The following IFT43 variants were observed in gnomAD, a reference collection of about 807,000 sequenced individuals.
IFT43 encodes the protein intraflagellar transport protein 43 homolog.
IFT43 carries 33 observed loss-of-function variants against 32.3 expected under a neutral mutation model. The ratio of observed to expected loss-of-function variants is 1.02; its 90% CI spans 0.77 to 1.37. The LOEUF (loss-of-function observed/expected upper bound fraction) is 1.37, where lower values mean the gene tolerates loss of function less well. Ranked by LOEUF, IFT43 falls within the 40% of genes most tolerant of loss-of-function variation. The pLI is 0.00. For missense variants in IFT43, 274 were observed against 265.9 expected (o/e 1.03, Z -0.21); for synonymous variants, 93 against 98.2 (o/e 0.95, Z 0.31).
At position 76,066,237 on chromosome 14, in the gene IFT43, C is replaced by G. The variant is rs534807207; in HGVS notation, c.295+6864C>G. Among the ~76,000 whole-genome samples the G allele has an allele frequency of 2.0e-5, 3 of 152,328 alleles. 1 individual carries two copies. The East Asian group carries it at 5.8e-4, about 29-fold the overall frequency. ...AAGAATACTTCTAGTATTTTTTCCT[C>G]CTTCATAAACTTGATATGTGAAATT... is the stretch of plus-strand genomic sequence containing the variant. On this transcript the variant is annotated intron_variant, in intron 5 of 8. Coordinates refer to ENST00000314067, the MANE Select transcript of IFT43 (RefSeq NM_001102564.3).
At chr14:76,072,178 C>G (rs1343441786) in intron 5 of IFT43, among the ~76,000 whole-genome samples, 1 of 152,118 alleles carries the variant, frequency 6.6e-6, no homozygotes, top group Non-Finnish European at 1.5e-5. Context: ...TCCATCAAAT[C>G]CATGGAGAGT....
intron 3 of IFT43, among the ~76,000 whole-genome samples, chr14:76,031,920 A>G (rs2036516136): frequency 6.6e-6 from 1 of 152,202 alleles, no homozygotes; most frequent in Non-Finnish European, 1.5e-5. Context: ...TCGTCTACGC[A>G]GTGATGACTC....
At chr14:75,999,259 ATATATATATATATGTATATATAT>A (rs1233009855) in intron 2 of IFT43, among the ~76,000 whole-genome samples, 6 of 21,576 alleles carry the variant, frequency 2.8e-4, no homozygotes, top group African/African-American at 1.5e-3. Context: ...ATATATATAT[ATATATATATATATGTATATATAT>A]TTTTTTTTTT....
In IFT43 at chr14:76,082,616, G is replaced by A. The variant is rs1162435893; in HGVS notation, c.369-1G>A. On this transcript the variant is annotated splice_acceptor_variant, in intron 6 of 8. Coordinates refer to ENST00000314067, the MANE Select transcript of IFT43 (RefSeq NM_001102564.3). LOFTEE classifies it high-confidence loss of function. ...CGCCTCTCGCTCTCTCTTTCCTTCA[G>A]CATCCAGATAAAGCGGGTGATGACC... is the stretch of plus-strand genomic sequence containing the variant. 6.2e-7 allele frequency: 1 copy of A among 1,614,022 alleles called. No homozygotes were observed. Among genetic ancestry groups the A allele is most frequent in the Non-Finnish European group, 8.5e-7 (1 of 1,180,022 alleles).
intron 3 of IFT43, among the ~76,000 whole-genome samples, chr14:76,040,226 A>G (rs1335010962): frequency 6.6e-6 from 1 of 152,200 alleles, no homozygotes; most frequent in Non-Finnish European, 1.5e-5. Context: ...CTGGGATTAC[A>G]GGTGTGAGTC....
intron 5 of IFT43, among the ~76,000 whole-genome samples, chr14:76,079,785 A>G (rs1178917372): frequency 6.6e-6 from 1 of 152,206 alleles, no homozygotes; most frequent in Admixed American, 6.5e-5. Flanking sequence ...AACCTGAATC[A>G]GGCTACATCA....
chr14:76,056,231 T>C (rs1566728114), intron 3 of IFT43, among the ~76,000 whole-genome samples: 1 of 152,180 alleles, frequency 6.6e-6, no homozygotes, highest in Non-Finnish European at 1.5e-5. Flanking sequence ...GAACCCGTTA[T>C]TTCTGGCAGA....
chr14:76,074,136 T>C (rs1246180619), intron 5 of IFT43, among the ~76,000 whole-genome samples: 1 of 152,130 alleles, frequency 6.6e-6, no homozygotes, highest in Admixed American at 6.5e-5. Context: ...TTTTTCTCAG[T>C]GTAACATGAA....
chr14:76,001,691 A>C (rs2139899442), intron 2 of IFT43, among the ~76,000 whole-genome samples: 1 of 152,354 alleles, frequency 6.6e-6, no homozygotes, highest in Admixed American at 6.5e-5. Flanking sequence ...AGAATGCCAC[A>C]GAGTGAGTAA....
chr14:76,082,787 T>A, intron 7 of IFT43, 95 bp downstream of exon 7: 1 of 933,666 alleles, frequency 1.1e-6, no homozygotes. Flanking sequence ...ATACAGCGCC[T>A]CCACCAGTCC....
intron 5 of IFT43, among the ~76,000 whole-genome samples, chr14:76,073,105 A>T (rs1356553825): frequency 6.6e-6 from 1 of 152,044 alleles, no homozygotes; most frequent in Non-Finnish European, 1.5e-5. Flanking sequence ...AGTGACAGGG[A>T]CTATACAAAG....
intron 3 of IFT43, among the ~76,000 whole-genome samples, chr14:76,026,401 A>G (rs1418093385): frequency 6.6e-6 from 1 of 152,104 alleles, no homozygotes; most frequent in African/African-American, 2.4e-5. Context: ...TCTACTAAAA[A>G]TACGAAATTA....
At chr14:75,999,279 ATAT>A (rs1566699785) in intron 2 of IFT43, among the ~76,000 whole-genome samples, 8 of 20,668 alleles carry the variant, frequency 3.9e-4, no homozygotes, top group East Asian at 4.3e-3. Context: ...ATATGTATAT[ATAT>A]TTTTTTTTTT....
chr14:75,987,303 A>G (rs972656259), intron 1 of IFT43, among the ~76,000 whole-genome samples: 19 of 152,218 alleles, frequency 1.2e-4, no homozygotes, highest in African/African-American at 4.3e-4. Context: ...TAAGCTGCTT[A>G]TTATCAGAAA....
intron 3 of IFT43, among the ~76,000 whole-genome samples, chr14:76,033,238 A>G (rs1451812746): frequency 6.6e-6 from 1 of 152,198 alleles, no homozygotes; most frequent in East Asian, 1.9e-4. Flanking sequence ...AAAAAAGGAA[A>G]GGGATGGAAC....
intron 2 of IFT43, among the ~76,000 whole-genome samples, chr14:76,002,568 C>T (rs541401261): frequency 1.5e-4 from 23 of 152,138 alleles, no homozygotes; most frequent in Non-Finnish European, 2.6e-4. Context: ...AACCACAAGG[C>T]TAAACATTAG....
At chr14:75,989,666 T>C (rs944118722) in intron 2 of IFT43, among the ~76,000 whole-genome samples, 7 of 152,154 alleles carry the variant, frequency 4.6e-5, no homozygotes, top group Non-Finnish European at 8.8e-5. Context: ...TCACTTCCCA[T>C]AGTACCTATT....
chr14:76,032,600 A>T (rs989108893), intron 3 of IFT43, among the ~76,000 whole-genome samples: 11 of 152,184 alleles, frequency 7.2e-5, no homozygotes, highest in African/African-American at 2.4e-5. Flanking sequence ...CTATGAGAGG[A>T]GACACACTCT....
intron 2 of IFT43, among the ~76,000 whole-genome samples, chr14:75,993,238 A>C (rs2035676794): frequency 6.6e-6 from 1 of 152,194 alleles, no homozygotes; most frequent in Non-Finnish European, 1.5e-5. Flanking sequence ...TGTGATCCAT[A>C]CAGGGTTAAG....
Sources: gnomAD v4.1 joint callset for allele counts (sites outside exome capture counted in the v4.1 genomes callset) on GRCh38, gnomAD v4.1.1 for gene constraint, MANE v1.5 for transcripts, NCBI Gene and HGNC (gene_info 2026-07-23, HGNC 2026-07-21) for gene names.